The following RBFOX1 variants were observed in gnomAD, a reference collection of about 807,000 sequenced individuals.
RBFOX1 encodes RNA binding fox-1 homolog 1, also known as RNA binding protein fox-1 homolog 1.
In RBFOX1, 8 loss-of-function variants were observed where a neutral mutation model predicts 57.7. The ratio of observed to expected loss-of-function variants is 0.14; its 90% CI spans 0.08 to 0.25. RBFOX1 has a LOEUF of 0.25. Among genes scored for constraint, RBFOX1 ranks in the 10% least tolerant of loss-of-function variants. The probability of loss-of-function intolerance (pLI) is 1.00; values close to 1 mark genes in which losing one functional copy is unlikely to be tolerated. For synonymous variants in RBFOX1, 326 were observed against 222.4 expected (o/e 1.47, Z -4.15); for missense variants, 611 against 548.5 (o/e 1.11, Z -1.14).
chr16:7,237,898 G>A (rs954997999), intron 4 of RBFOX1, among the ~76,000 whole-genome samples: 2 of 152,196 alleles, frequency 1.3e-5, no homozygotes, highest in African/African-American at 2.4e-5. Flanking sequence ...CAGCTACTCA[G>A]GAGGCTGAAG....
At chr16:6,674,929 A>C (rs756669420) in intron 3 of RBFOX1, among the ~76,000 whole-genome samples, 64 of 151,940 alleles carry the variant, frequency 4.2e-4, no homozygotes, top group Non-Finnish European at 8.5e-4. Context: ...GTTTTTTGAC[A>C]CAGTCTCACT....
chr16:5,608,281 T>A (rs1354877114), intron 3 of RBFOX1, among the ~76,000 whole-genome samples: 1 of 151,986 alleles, frequency 6.6e-6, no homozygotes, highest in Non-Finnish European at 1.5e-5. Context: ...GTTGCAAGGG[T>A]GTAGGACGGG....
chr16:6,124,178 A>T (rs1389622943), intron 1 of RBFOX1, among the ~76,000 whole-genome samples: 1 of 152,168 alleles, frequency 6.6e-6, no homozygotes, highest in Non-Finnish European at 1.5e-5. Context: ...TTTGGCATCA[A>T]AAACTGAAAC....
At chr16:6,140,208 TG>T in intron 1 of RBFOX1, among the ~76,000 whole-genome samples, 1 of 151,298 alleles carries the variant, frequency 6.6e-6, no homozygotes, top group East Asian at 1.9e-4. Flanking sequence ...TTTTTTCTTT[TG>T]AGACGGAGTT....
chr16:7,148,265 T>A (rs895033830), intron 4 of RBFOX1, among the ~76,000 whole-genome samples: 7 of 152,202 alleles, frequency 4.6e-5, no homozygotes, highest in African/African-American at 1.7e-4. Flanking sequence ...AGGCACACTC[T>A]GGCATGCTCT....
chr16:6,271,727 A>C (rs2075241989), intron 1 of RBFOX1, among the ~76,000 whole-genome samples: 2 of 152,226 alleles, frequency 1.3e-5, no homozygotes, highest in Non-Finnish European at 2.9e-5. Context: ...CTTGTAAAAT[A>C]CAAACCATCA....
intron 4 of RBFOX1, among the ~76,000 whole-genome samples, chr16:7,062,682 G>A (rs1170834552): frequency 2.0e-5 from 3 of 152,120 alleles, no homozygotes; most frequent in Non-Finnish European, 4.4e-5. Flanking sequence ...TCTGAATATT[G>A]AGTAGGGTAA....
chr16:5,546,301 G>A (rs538983517), intron 2 of RBFOX1, among the ~76,000 whole-genome samples: 106 of 152,156 alleles, frequency 7.0e-4, no homozygotes, highest in African/African-American at 2.5e-3. Context: ...GCTTTTTTGC[G>A]GGGTGGAAAT....
intron 2 of RBFOX1, among the ~76,000 whole-genome samples, chr16:6,328,852 G>T (rs1310350675): frequency 1.3e-5 from 2 of 152,120 alleles, no homozygotes; most frequent in Non-Finnish European, 2.9e-5. Flanking sequence ...CGTGATTACT[G>T]CTCTGCTGAG....
chr16:5,570,739 C>T (rs4341747), intron 2 of RBFOX1, among the ~76,000 whole-genome samples: 66,885 of 151,194 alleles, frequency 0.44, 14,863 homozygotes, highest in East Asian at 0.47. Flanking sequence ...ACTCGGGAGG[C>T]TGAGGCATGA....
chr16:6,786,558 C>A (rs1181947875), intron 3 of RBFOX1, among the ~76,000 whole-genome samples: 1 of 151,970 alleles, frequency 6.6e-6, no homozygotes, highest in African/African-American at 2.4e-5. Context: ...AAACAGTAAG[C>A]CAAAAAACCT....
chr16:7,455,357 A>G (rs1212484835), intron 4 of RBFOX1, among the ~76,000 whole-genome samples: 1 of 152,174 alleles, frequency 6.6e-6, no homozygotes, highest in Non-Finnish European at 1.5e-5. Context: ...ATGTGCATGT[A>G]TGTCTCTGTG....
intron 4 of RBFOX1, among the ~76,000 whole-genome samples, chr16:7,333,268 C>T (rs1421121946): frequency 2.6e-5 from 4 of 152,210 alleles, no homozygotes; most frequent in African/African-American, 4.8e-5. Context: ...CGACATCTCT[C>T]ATGGCTGAAT....
intron 4 of RBFOX1, among the ~76,000 whole-genome samples, chr16:7,156,574 C>T (rs2077195013): frequency 6.6e-6 from 1 of 151,726 alleles, no homozygotes; most frequent in Non-Finnish European, 1.5e-5. Flanking sequence ...CATATGTATG[C>T]ACATTTGCAT....
chr16:6,977,783 C>T (rs1296012120), intron 3 of RBFOX1, among the ~76,000 whole-genome samples: 3 of 152,060 alleles, frequency 2.0e-5, no homozygotes, highest in East Asian at 3.9e-4. Flanking sequence ...AGAAAGTCAT[C>T]TTATCCCGTA....
chr16:6,075,604 C>G (rs1283464798), intron 1 of RBFOX1, among the ~76,000 whole-genome samples: 1 of 152,210 alleles, frequency 6.6e-6, no homozygotes. Flanking sequence ...CACATACACA[C>G]ACACAAAGAC....
intron 3 of RBFOX1, among the ~76,000 whole-genome samples, chr16:7,006,264 C>T (rs937660863): frequency 2.0e-5 from 3 of 152,062 alleles, no homozygotes; most frequent in African/African-American, 7.2e-5. Context: ...AAGCGATTCT[C>T]CTGTCTCAGC....
rs1285294914 is a variant in RBFOX1, at chr16:6,264,780, C to T, written c.-126-52215C>T. Among the ~76,000 whole-genome samples the T allele has an allele frequency of 2.6e-5, 4 of 152,196 alleles. No homozygotes were observed. In the East Asian group the frequency reaches 5.8e-4, roughly 22 times the overall value. On this transcript the variant is annotated intron_variant, in intron 1 of 15. Transcript: ENST00000550418. ...GCCTATGTTGTCTTTTCTTAGCATG[C>T]CACTGAAACTTCTAACTATCTGATT...
At chr16:6,381,984 G>A (rs560157565) in intron 2 of RBFOX1, among the ~76,000 whole-genome samples, 30 of 152,276 alleles carry the variant, frequency 2.0e-4, no homozygotes, top group Non-Finnish European at 3.7e-4. Flanking sequence ...CCTGTAAAGG[G>A]CCACACAGGA....
Sources: gnomAD v4.1 joint callset for allele counts (sites outside exome capture counted in the v4.1 genomes callset) on GRCh38, gnomAD v4.1.1 for gene constraint, MANE v1.5 for transcripts, NCBI Gene and HGNC (gene_info 2026-07-23, HGNC 2026-07-21) for gene names.